RAPGEF2: variants seen among roughly 807,000 people sequenced by gnomAD.
The protein encoded by RAPGEF2 is PDZ domain containing guanine nucleotide exchange factor (GEF) 1.
Under a neutral mutation model 186.7 loss-of-function variants are expected in RAPGEF2, and 54 were observed. That is an observed-to-expected ratio of 0.29 (90% CI 0.23 to 0.36). RAPGEF2 has a LOEUF of 0.36. RAPGEF2 is among the 10% of genes least tolerant of loss of function. RAPGEF2 has a pLI of 1.00. For missense variants in RAPGEF2, 1,532 were observed against 2,045.0 expected (o/e 0.75, Z 4.84); for synonymous variants, 712 against 705.9 (o/e 1.01, Z -0.14).
intron 4 of RAPGEF2, among the ~76,000 whole-genome samples, chr4:159,222,394 G>A (rs910409722): frequency 6.6e-6 from 1 of 152,182 alleles, no homozygotes; most frequent in African/African-American, 2.4e-5. Context: ...TGCTTCACGT[G>A]TTCAGTTAGG....
At chr4:159,205,142 A>C (rs951606440) in intron 3 of RAPGEF2, among the ~76,000 whole-genome samples, 1 of 152,068 alleles carries the variant, frequency 6.6e-6, no homozygotes, top group Non-Finnish European at 1.5e-5. Context: ...TATTGAGACC[A>C]TTTTTTCTGA....
At chr4:159,308,902 GGAGA>G (rs2111078768) in intron 8 of RAPGEF2, among the ~76,000 whole-genome samples, 1 of 152,246 alleles carries the variant, frequency 6.6e-6, no homozygotes, top group South Asian at 2.1e-4. Flanking sequence ...AGAGTTTTAA[GGAGA>G]GAGAAGTTTT....
intron 23 of RAPGEF2, among the ~76,000 whole-genome samples, chr4:159,344,434 A>G (rs1730004986): frequency 1.3e-5 from 2 of 152,340 alleles, no homozygotes; most frequent in South Asian, 4.1e-4. Context: ...TATTTCACAG[A>G]TATGTGAGAA....
At chr4:159,254,228 G>A (rs1319319452) in intron 7 of RAPGEF2, among the ~76,000 whole-genome samples, 1 of 152,196 alleles carries the variant, frequency 6.6e-6, no homozygotes, top group African/African-American at 2.4e-5. Context: ...GGTAATAACA[G>A]TAGTTACATA....
intron 2 of RAPGEF2, among the ~76,000 whole-genome samples, chr4:159,188,674 A>AG (rs1288469384): frequency 6.6e-6 from 1 of 151,824 alleles, no homozygotes; most frequent in African/African-American, 2.4e-5. Context: ...AAAAAAAAAA[A>AG]AAAAGAAAAG....
chr4:159,141,981 A>G (rs1030295986), intron 1 of RAPGEF2, among the ~76,000 whole-genome samples: 11 of 152,206 alleles, frequency 7.2e-5, no homozygotes, highest in Admixed American at 6.5e-5. Context: ...TGTTGGGGGC[A>G]TATGTGCAGA....
chr4:159,358,125 G>C lies in RAPGEF2; in HGVS notation c.4969G>C (p.Val1657Leu). ...TGCTGTATTTGCAGAAGATGAACAAGTTTCTGCTGTTTGAGGCACAGACTT... is the reference window on the plus strand; with the variant it reads ...TGCTGTATTTGCAGAAGATGAACAACTTTCTGCTGTTTGAGGCACAGACTT... ...FSTEEDEDEQ[V>L]SAV is the part of the protein sequence containing the mutation. The change falls in exon 30 of 30, where the codon GTT becomes CTT. Residue 1657 changes from valine to leucine, a missense_variant. Coordinates refer to ENST00000691494, the MANE Select transcript of RAPGEF2 (RefSeq NM_001394067.2). 1 of 1,612,162 alleles carries C rather than the reference G, an allele frequency of 6.2e-7. No homozygotes were observed. The highest frequency in any genetic ancestry group is 8.5e-7 in the Non-Finnish European group (1 of 1,179,276).
At chr4:159,337,935 A>G (rs1767693591) in intron 17 of RAPGEF2, among the ~76,000 whole-genome samples, 1 of 147,758 alleles carries the variant, frequency 6.8e-6, no homozygotes, top group Non-Finnish European at 1.5e-5. Flanking sequence ...CATAGGTTTT[A>G]GAGAAACATA....
chr4:159,316,843 G>A (rs983178247), intron 9 of RAPGEF2, among the ~76,000 whole-genome samples: 1 of 152,150 alleles, frequency 6.6e-6, no homozygotes, highest in Non-Finnish European at 1.5e-5. Flanking sequence ...GCAAGAGTTG[G>A]TTGTGTAGTA....
chr4:159,262,378 G>C (rs6831016), intron 7 of RAPGEF2, among the ~76,000 whole-genome samples: 96,896 of 152,078 alleles, frequency 0.64, 32,000 homozygotes, highest in African/African-American at 0.78. Flanking sequence ...TTACATATGC[G>C]GTGTTAATGT....
chr4:159,111,511 T>C (rs1271539110), intron 1 of RAPGEF2, among the ~76,000 whole-genome samples: 1 of 152,224 alleles, frequency 6.6e-6, no homozygotes, highest in South Asian at 2.1e-4. Flanking sequence ...CTCTAGCTCA[T>C]GGTATTTGTT....
At chr4:159,138,552 T>A (rs1468781227) in intron 1 of RAPGEF2, among the ~76,000 whole-genome samples, 1 of 152,166 alleles carries the variant, frequency 6.6e-6, no homozygotes, top group Non-Finnish European at 1.5e-5. Flanking sequence ...TTGGCTTGAG[T>A]AAATAGATGG....
intron 1 of RAPGEF2, among the ~76,000 whole-genome samples, chr4:159,114,189 C>T (rs985192622): frequency 2.0e-5 from 3 of 151,726 alleles, no homozygotes; most frequent in South Asian, 2.1e-4. Context: ...CAGCAACCTC[C>T]GCCTGCTGGG....
chr4:159,253,469 T>G (rs1462877440), intron 7 of RAPGEF2, among the ~76,000 whole-genome samples: 1 of 152,212 alleles, frequency 6.6e-6, no homozygotes, highest in Non-Finnish European at 1.5e-5. Flanking sequence ...GCCTTAATTA[T>G]TAAGAAGCTG....
intron 4 of RAPGEF2, among the ~76,000 whole-genome samples, chr4:159,231,332 G>A (rs1019630474): frequency 1.2e-4 from 18 of 151,876 alleles, no homozygotes; most frequent in African/African-American, 4.4e-4. Flanking sequence ...CCATTCTTAA[G>A]CAATGCATGA....
rs987849302 is a variant in RAPGEF2, at chr4:159,341,462, G to A, written c.2535-102G>A. On this transcript the variant is annotated intron_variant, in intron 19 of 29. Coordinates refer to ENST00000691494, the MANE Select transcript of RAPGEF2 (RefSeq NM_001394067.2). ...AAGAAATCTTCCATAATTCAAATCA[G>A]TGCTCTCTCAAACTTTCCATAAAAA... 5.5e-5 allele frequency: 66 copies of A among 1,198,970 alleles called. No homozygotes were observed. In the Middle Eastern group the frequency reaches 7.5e-4, roughly 14 times the overall value. The allele number at this position is 1,198,970 out of a possible 1,614,324, so 74.3% of individuals were successfully genotyped here. A position where few individuals can be genotyped will look rare whatever the true frequency, so the allele number is the denominator to read the frequency against.
chr4:159,219,610 C>A (rs1226691853), intron 4 of RAPGEF2, among the ~76,000 whole-genome samples: 3 of 152,156 alleles, frequency 2.0e-5, no homozygotes, highest in Non-Finnish European at 4.4e-5. Flanking sequence ...CTGCCTCAGC[C>A]TCCCAAAGTG....
intron 11 of RAPGEF2, chr4:159,328,491 A>G (rs572209615): frequency 1.1e-4 from 16 of 152,158 alleles, no homozygotes; most frequent in Non-Finnish European, 2.2e-4. Context: ...AGATTAGCCA[A>G]CTCTGGGAGA....
chr4:159,204,556 T>C (rs1439558098), intron 3 of RAPGEF2, among the ~76,000 whole-genome samples: 1 of 152,228 alleles, frequency 6.6e-6, no homozygotes, highest in East Asian at 1.9e-4. Flanking sequence ...GCTTTCTATC[T>C]GTTTACATTG....
Sources: allele counts gnomAD v4.1 joint callset (sites outside exome capture counted in the v4.1 genomes callset), GRCh38; gene constraint gnomAD v4.1.1; transcripts MANE v1.5; gene names NCBI Gene and HGNC (gene_info 2026-07-23, HGNC 2026-07-21).